The following ACOXL variants were observed in gnomAD, a reference collection of about 807,000 sequenced individuals.
The protein encoded by ACOXL is acyl-coenzyme A oxidase-like protein.
Under a neutral mutation model 71.9 loss-of-function variants are expected in ACOXL, and 70 were observed. The ratio of observed to expected loss-of-function variants is 0.97; its 90% CI spans 0.80 to 1.19. The LOEUF is 1.19. Among genes scored for constraint, ACOXL ranks in the 50% most tolerant of loss-of-function variants. The pLI, the probability that ACOXL is intolerant of heterozygous loss-of-function variation, is 0.00. For missense variants in ACOXL, 703 were observed against 736.3 expected, an observed-to-expected ratio of 0.95 and a Z score of 0.52; for synonymous variants, 253 against 281.6, an observed-to-expected ratio of 0.90 and a Z score of 1.02.
intron 11 of ACOXL, among the ~76,000 whole-genome samples, chr2:110,931,114 G>A (rs1156758270): frequency 6.6e-6 from 1 of 152,174 alleles, no homozygotes; most frequent in Non-Finnish European, 1.5e-5. Context: ...GGGCCACGAT[G>A]AGTTTCTTAT....
intron 17 of ACOXL, chr2:111,100,623 G>T (rs1237329342): frequency 6.5e-6 from 1 of 153,196 alleles, no homozygotes; most frequent in Non-Finnish European, 1.5e-5. Context: ...GCACCTTAGT[G>T]CACCTGAGGC....
chr2:110,887,040 C>A (rs934615145), intron 10 of ACOXL: 4 of 632,060 alleles, frequency 6.3e-6, no homozygotes, highest in East Asian at 5.8e-5. Flanking sequence ...GCTGGCCTGG[C>A]GTCCACGGGT....
chr2:110,747,384 G>A (rs1678359659), intron 1 of ACOXL, among the ~76,000 whole-genome samples: 2 of 152,200 alleles, frequency 1.3e-5, no homozygotes, highest in Admixed American at 6.5e-5. Context: ...GCAGAGTGCA[G>A]CCTCAGGAGG....
intron 10 of ACOXL, among the ~76,000 whole-genome samples, chr2:110,882,516 G>GTC (rs1696793727): frequency 6.6e-6 from 1 of 152,064 alleles, no homozygotes; most frequent in Non-Finnish European, 1.5e-5. Context: ...ATCATAAAAG[G>GTC]TCTTTTGGTT....
Position 110,908,893 on chromosome 2 carries a change from C to T in ACOXL, c.893C>T (p.Thr298Ile). 6.2e-7 allele frequency: 1 copy of T among 1,613,320 alleles called. No individual in the cohort carries two copies. Among genetic ancestry groups the T allele is most frequent in the Non-Finnish European group, 8.5e-7 (1 of 1,179,542 alleles). The change falls in exon 11 of 18, where the codon ACC (threonine) becomes ATC (isoleucine). Residue 298 changes from threonine (T) to isoleucine (I), a missense_variant. Physicochemically the swap from Thr to Ile is moderately conservative, Grantham distance 89. Coordinates refer to ENST00000439055, the MANE Select transcript of ACOXL (RefSeq NM_001142807.4). ...MPHLATALALTFVSRYAGALL... is the reference protein window; with the variant it reads ...MPHLATALALIFVSRYAGALL... ...CACCTGGCCACAGCCTTGGCCCTGA[C>T]CTTCGTCAGCAGGTGAGATGGCTCT...
intron 5 of ACOXL, among the ~76,000 whole-genome samples, chr2:110,798,120 G>T (rs985838215): frequency 3.9e-5 from 6 of 152,146 alleles, no homozygotes; most frequent in African/African-American, 1.4e-4. Context: ...TGAAATAAAT[G>T]AATTGAGGTG....
At chr2:110,773,334 G>A (rs1002319446) in intron 2 of ACOXL, among the ~76,000 whole-genome samples, 3 of 152,286 alleles carry the variant, frequency 2.0e-5, no homozygotes, top group African/African-American at 7.2e-5. Flanking sequence ...GGGGAGGGTG[G>A]TTACTTTTCT....
intron 10 of ACOXL, among the ~76,000 whole-genome samples, chr2:110,886,397 T>A (rs918984774): frequency 6.6e-6 from 1 of 150,726 alleles, no homozygotes; most frequent in African/African-American, 2.4e-5. Context: ...TTTTTTTTTT[T>A]AATGGATTCT....
intron 15 of ACOXL, among the ~76,000 whole-genome samples, chr2:111,043,845 C>A (rs1049619086): frequency 1.3e-5 from 2 of 152,178 alleles, no homozygotes; most frequent in Non-Finnish European, 2.9e-5. Flanking sequence ...AAGCTGGCTT[C>A]CTCATCTTCA....
chr2:110,789,499 G>A (rs951436325), intron 3 of ACOXL, among the ~76,000 whole-genome samples: 1 of 152,170 alleles, frequency 6.6e-6, no homozygotes, highest in African/African-American at 2.4e-5. Flanking sequence ...GTGCCAGCAT[G>A]GTCAGGTTCC....
At chr2:110,747,482 T>C (rs1167195943) in intron 1 of ACOXL, among the ~76,000 whole-genome samples, 1 of 152,186 alleles carries the variant, frequency 6.6e-6, no homozygotes, top group African/African-American at 2.4e-5. Context: ...CCACTTTTGT[T>C]TTCTCAGCTA....
chr2:110,773,942 C>T (rs546627243), intron 2 of ACOXL, among the ~76,000 whole-genome samples: 1 of 152,258 alleles, frequency 6.6e-6, no homozygotes, highest in South Asian at 2.1e-4. Context: ...TACTTGAAAG[C>T]GGGGCATGGC....
chr2:110,969,739 G>A (rs1175636725), intron 12 of ACOXL, among the ~76,000 whole-genome samples: 2 of 151,730 alleles, frequency 1.3e-5, no homozygotes, highest in African/African-American at 4.8e-5. Flanking sequence ...TGAGCTTGGG[G>A]TGCAGAGGCT....
chr2:110,914,969 C>T (rs1356890829), intron 11 of ACOXL, among the ~76,000 whole-genome samples: 3 of 152,150 alleles, frequency 2.0e-5, no homozygotes, highest in Non-Finnish European at 4.4e-5. Flanking sequence ...GAGTATCCAT[C>T]CCCTCAAGCA....
At chr2:110,968,557 A>C (rs2062035487) in intron 12 of ACOXL, 2 of 1,032,974 alleles carry the variant, frequency 1.9e-6, no homozygotes, top group Non-Finnish European at 2.9e-6. Context: ...GATGTATAAG[A>C]AAGCTCATGC....
intron 17 of ACOXL, among the ~76,000 whole-genome samples, chr2:111,107,095 G>C (rs767131018): frequency 6.6e-6 from 1 of 152,222 alleles, no homozygotes; most frequent in African/African-American, 2.4e-5. Context: ...TGTTGTGGCT[G>C]TAAGAGCAAG....
chr2:110,982,939 G>A (rs1390747451), intron 12 of ACOXL, among the ~76,000 whole-genome samples: 1 of 152,170 alleles, frequency 6.6e-6, no homozygotes, highest in Non-Finnish European at 1.5e-5. Flanking sequence ...TTTTGAAGAA[G>A]GGGGCCTGCA....
At chr2:110,818,091 TGA>T (rs78570290) in intron 9 of ACOXL, among the ~76,000 whole-genome samples, 7,622 of 151,926 alleles carry the variant, frequency 0.05, 303 homozygotes, top group African/African-American at 0.1. Flanking sequence ...CTAGAGGTGC[TGA>T]GAGTACAAAA....
At chr2:111,018,030 T>A (rs1217244524) in intron 14 of ACOXL, 1 of 152,224 alleles carries the variant, frequency 6.6e-6, no homozygotes, top group Middle Eastern at 3.2e-3. Context: ...TAAAAATGCT[T>A]AGTTGAAACT....
Sources: gnomAD v4.1 joint callset for allele counts (sites outside exome capture counted in the v4.1 genomes callset) on GRCh38, gnomAD v4.1.1 for gene constraint, MANE v1.5 for transcripts, NCBI Gene and HGNC (gene_info 2026-07-23, HGNC 2026-07-21) for gene names.